The following UGT2B10 variants were observed in gnomAD, a reference collection of about 807,000 sequenced individuals.
UGT2B10 encodes UDP glucuronosyltransferase family 2 member B10.
Under a neutral mutation model 43.7 loss-of-function variants are expected in UGT2B10, and 51 were observed. The observed-to-expected ratio is 1.17, with a 90% CI of 0.93 to 1.47. UGT2B10 has a LOEUF of 1.47. UGT2B10 is among the 40% of genes most tolerant of loss of function. The pLI is 0.00. For missense variants in UGT2B10, 696 were observed against 617.7 expected, an observed-to-expected ratio of 1.13 and a Z score of -1.34; for synonymous variants, 225 against 209.0, an observed-to-expected ratio of 1.08 and a Z score of -0.66.
Position 68,831,997 on chromosome 4 carries a change from C to T in UGT2B10, c.*1118C>T, listed in dbSNP as rs1738118839. On this transcript the variant is annotated 3_prime_UTR_variant, in exon 6 of 6. Transcript: ENST00000265403. ...GATCTCTTATGAATAACAAATTTAT[C>T]CTTAATAAAGTCTCTATACTAAAGA... Among the ~76,000 whole-genome samples the T allele has an allele frequency of 6.6e-6, 1 of 151,874 alleles. No homozygotes were observed. Among genetic ancestry groups the T allele is most frequent in the Admixed American group, 6.6e-5 (1 of 15,222 alleles).
chr4:68,822,465 T>C, intron 3 of UGT2B10, 63 bp downstream of exon 3: 1 of 1,605,880 alleles, frequency 6.2e-7, no homozygotes, highest in Non-Finnish European at 8.5e-7. Context: ...GTTTGTGATC[T>C]ACATAGAAAG....
rs782408238 is a variant in UGT2B10 at position 68,822,263 on chromosome 4, T to A, written c.868-8T>A. ...TTTATGATGAAACATTTTTTCTTTTTCCCACAGGAAATGGAGGAGTTTGTA... is the reference window on the plus strand; with the variant it reads ...TTTATGATGAAACATTTTTTCTTTTACCCACAGGAAATGGAGGAGTTTGTA... On this transcript the variant is annotated splice_polypyrimidine_tract_variant and splice_region_variant and intron_variant, in intron 2 of 5. Transcript: ENST00000265403. 6.8e-6 allele frequency: 11 copies of A among 1,609,188 alleles called. No individual in the cohort carries two copies. The highest frequency in any genetic ancestry group is 9.3e-6 in the Non-Finnish European group (11 of 1,179,072).
rs974275256 is a variant in UGT2B10 at position 68,816,672 on chromosome 4, A to G, written c.653A>G (p.Tyr218Cys). The change falls in exon 1 of 6, where the codon TAT (tyrosine) becomes TGT (cysteine). Residue 218 changes from tyrosine to cysteine, a missense_variant. By Grantham distance (194) the Tyr-to-Cys change is radical. Coordinates refer to ENST00000265403, the MANE Select transcript of UGT2B10 (RefSeq NM_001075.6). ...GTAAAAAATATGCTCTATGTGCTTT[A>G]TTTTGACTTTTGGTTCCAAATATTT... ...ERVKNMLYVL[Y>C]FDFWFQIFNM... The G allele has an allele frequency of 1.9e-6, 3 of 1,611,946 alleles. No homozygotes were observed. In the African/African-American group the frequency reaches 4.0e-5, roughly 22 times the overall value.
At chr4:68,826,611 T>A in intron 4 of UGT2B10, 114 bp downstream of exon 4, 1 of 1,278,132 alleles carries the variant, frequency 7.8e-7, no homozygotes, top group Non-Finnish European at 1.1e-6. Context: ...AAAAAGAACT[T>A]CTTTATATTT....
At chr4:68,821,092 C>T (rs1172877529) in intron 2 of UGT2B10, among the ~76,000 whole-genome samples, 4 of 152,122 alleles carry the variant, frequency 2.6e-5, no homozygotes, top group South Asian at 2.1e-4. Context: ...GGGACTCTCA[C>T]GTTAACTTAA....
chr4:68,819,026 A>G (rs1242452057), intron 2 of UGT2B10, among the ~76,000 whole-genome samples: 1 of 151,928 alleles, frequency 6.6e-6, no homozygotes, highest in Non-Finnish European at 1.5e-5. Flanking sequence ...GAAATTTTCC[A>G]TGGATTCAGG....
At chr4:68,829,558 A>C (rs1737977496) in intron 5 of UGT2B10, among the ~76,000 whole-genome samples, 1 of 151,284 alleles carries the variant, frequency 6.6e-6, no homozygotes, top group Admixed American at 6.6e-5. Flanking sequence ...GATAGAAAAT[A>C]AGCACAGTAA....
At position 68,831,357 on chromosome 4, in the gene UGT2B10, G is replaced by A. The variant is rs988062793; in HGVS notation, c.*478G>A. ...ATCCTCCCATTTTAGCATCCCAAAG[G>A]GATGAGATTACAGGTATGTACCACC... On this transcript the variant is annotated 3_prime_UTR_variant, in exon 6 of 6. Coordinates refer to ENST00000265403, the MANE Select transcript of UGT2B10 (RefSeq NM_001075.6). Among the ~76,000 whole-genome samples the A allele has an allele frequency of 7.9e-5, 12 of 152,044 alleles. No homozygotes were observed. The highest frequency in any genetic ancestry group is 2.4e-4 in the African/African-American group (10 of 41,496).
At chr4:68,828,270 T>A (rs933767829) in intron 5 of UGT2B10, among the ~76,000 whole-genome samples, 6 of 152,016 alleles carry the variant, frequency 3.9e-5, no homozygotes, top group African/African-American at 1.2e-4. Flanking sequence ...AATTTTTTTT[T>A]ATGGTTTTTA....
chr4:68,821,949 T>C (rs555534923), intron 2 of UGT2B10, among the ~76,000 whole-genome samples: 2 of 93,994 alleles, frequency 2.1e-5, no homozygotes, highest in African/African-American at 5.1e-5. Flanking sequence ...TATAGTATTA[T>C]AAGTGAAGAG....
intron 4 of UGT2B10, among the ~76,000 whole-genome samples, chr4:68,827,026 A>G (rs925202709): frequency 2.0e-5 from 3 of 151,838 alleles, no homozygotes; most frequent in African/African-American, 7.3e-5. Flanking sequence ...ACTTAGAATA[A>G]CACTTCATTT....
At position 68,822,350 on chromosome 4, in the gene UGT2B10, C is replaced by G. The variant is rs1416406921; in HGVS notation, c.947C>G (p.Thr316Arg). 1 of 1,613,624 alleles carries G rather than the reference C, an allele frequency of 6.2e-7. No individual in the cohort carries two copies. The highest frequency in any genetic ancestry group is 2.2e-5 in the East Asian group (1 of 44,830). ...CTGGGGTCAATGGTCAGTAACATGA[C>G]AGAAGAAAGGGCCAACGTAATTGCA... is the stretch of plus-strand genomic sequence containing the variant. ...FSLGSMVSNM[T>R]EERANVIATA... The change falls in exon 3 of 6, where the codon ACA (threonine) becomes AGA (arginine). Residue 316 changes from threonine to arginine, a missense_variant. Coordinates refer to ENST00000265403, the MANE Select transcript of UGT2B10 (RefSeq NM_001075.6).
At position 68,827,460 on chromosome 4, in the gene UGT2B10, G is replaced by A. The variant is rs780537603; in HGVS notation, c.1219G>A (p.Ala407Thr). The A allele has an allele frequency of 1.1e-5, 18 of 1,613,400 alleles. No homozygotes were observed. Among genetic ancestry groups the A allele is most frequent in the Non-Finnish European group, 1.5e-5 (18 of 1,179,646 alleles). Residue 407 changes from alanine to threonine, a missense_variant, in exon 5 of 6, where the codon GCC (alanine) becomes ACC (threonine). Transcript: ENST00000265403. The part of the protein sequence containing the change: ...DQPDNIAHMK[A>T]KGAAVRVDFN... ...ACCTGATAATATTGCTCACATGAAG[G>A]CCAAGGGAGCAGCTGTTAGAGTGGA...
At chr4:68,821,498 C>G (rs4694343) in intron 2 of UGT2B10, among the ~76,000 whole-genome samples, 57 of 152,248 alleles carry the variant, frequency 3.7e-4, no homozygotes, top group Admixed American at 2.7e-3. Context: ...CAGGGCAATA[C>G]GTGCTCCACC....
In UGT2B10 at chr4:68,827,392, A is replaced by G. The variant is rs1462597562; in HGVS notation, c.1151A>G (p.Tyr384Cys). ...GCCAATGGCATCTATGAGGCAATCT[A>G]CCATGGGATCCCTATGGTGGGCATT... ...GGANGIYEAI[Y>C]HGIPMVGIPL... Residue 384 changes from tyrosine to cysteine, a missense_variant, in exon 5 of 6, where the codon TAC (tyrosine) becomes TGC (cysteine). Tyr to Cys is a radical substitution (Grantham distance 194). Coordinates refer to ENST00000265403, the MANE Select transcript of UGT2B10 (RefSeq NM_001075.6). The G allele has an allele frequency of 6.2e-7, 1 of 1,613,340 alleles. No homozygotes were observed. The highest frequency in any genetic ancestry group is 8.5e-7 in the Non-Finnish European group (1 of 1,179,574).
intron 5 of UGT2B10, among the ~76,000 whole-genome samples, chr4:68,828,213 G>A (rs1737898842): frequency 1.3e-5 from 2 of 152,014 alleles, no homozygotes; most frequent in African/African-American, 4.8e-5. Flanking sequence ...CATATAAATG[G>A]AATCATACAG....
At chr4:68,828,097 C>T (rs770848180) in intron 5 of UGT2B10, among the ~76,000 whole-genome samples, 38 of 151,982 alleles carry the variant, frequency 2.5e-4, no homozygotes, top group Non-Finnish European at 3.2e-4. Context: ...TTTTTATCAA[C>T]GCAAAAGAAA....
intron 3 of UGT2B10, 116 bp downstream of exon 3, chr4:68,822,518 C>A (rs2109692533): frequency 1.3e-6 from 2 of 1,575,152 alleles, no homozygotes; most frequent in East Asian, 4.5e-5. Flanking sequence ...TGAATACAAC[C>A]TTAAATATGC....
At chr4:68,817,900 A>C in intron 1 of UGT2B10, 129 bp from the exon 2 acceptor site, 1 of 1,049,070 alleles carries the variant, frequency 9.5e-7, no homozygotes. Context: ...ATATGAATAT[A>C]TGTACATATT....
Sources: allele counts gnomAD v4.1 joint callset (sites outside exome capture counted in the v4.1 genomes callset), GRCh38; gene constraint gnomAD v4.1.1; transcripts MANE v1.5; gene names NCBI Gene and HGNC (gene_info 2026-07-23, HGNC 2026-07-21).